TUBA8: variants seen among roughly 807,000 people sequenced by gnomAD.
The protein encoded by TUBA8 is tubulin alpha-8 chain.
A neutral mutation model predicts 34.7 loss-of-function variants in TUBA8; 29 were observed. That is an observed-to-expected ratio of 0.84 (90% CI 0.62 to 1.14). TUBA8 has a LOEUF of 1.14. Among genes scored for constraint, TUBA8 ranks in the 50% most tolerant of loss-of-function variants. TUBA8 has a pLI of 0.00. For missense variants in TUBA8, 541 were observed against 599.2 expected (o/e 0.90, Z 1.01); for synonymous variants, 226 against 231.2 (o/e 0.98, Z 0.21).
intron 1 of TUBA8, chr22:18,112,566 T>A (rs1224469474): frequency 6.6e-6 from 1 of 152,238 alleles, no homozygotes; most frequent in Non-Finnish European, 1.5e-5. Flanking sequence ...AACCCAGCCC[T>A]GTGCACAAGC....
At position 18,131,231 on chromosome 22, in the gene TUBA8, G is replaced by T; in HGVS notation, c.*95G>T. 1 of 1,397,452 alleles carries T rather than the reference G, an allele frequency of 7.2e-7. No individual in the cohort carries two copies. The allele number at this position is 1,397,452 out of a possible 1,614,324, so 86.6% of individuals were successfully genotyped here. ...CAGAACACTCTCCCCGCCCCAGCCT[G>T]ATTCCTGCCTTACCCAGGAGGAGGG... On this transcript the variant is annotated 3_prime_UTR_variant, in exon 5 of 5. Coordinates refer to ENST00000330423, the MANE Select transcript of TUBA8 (RefSeq NM_018943.3). The surrounding 1 kb of genome is among the most constrained non-coding windows in gnomAD (Gnocchi z 5.3).
At chr22:18,112,569 G>C (rs1355560723) in intron 1 of TUBA8, 1 of 152,198 alleles carries the variant, frequency 6.6e-6, no homozygotes, top group Non-Finnish European at 1.5e-5. Context: ...CCAGCCCTGT[G>C]CACAAGCTTG....
rs1471622645 is a variant in TUBA8 at position 18,127,743 on chromosome 22, G to A, written c.1056+709G>A. On this transcript the variant is annotated intron_variant, in intron 4 of 4. Coordinates refer to ENST00000330423, the MANE Select transcript of TUBA8 (RefSeq NM_018943.3). ...AACGGAGTGTCGCTCTGTCACCAAG[G>A]CTGGAGTGCAGTGGCGCGATCTAGG... The A allele has an allele frequency of 7.7e-5, 11 of 142,318 alleles. No homozygotes were observed. The East Asian group carries it at 2.3e-3, about 29-fold the overall frequency. 8.8% of individuals were successfully genotyped at this position (142,318 alleles called of 1,614,324 possible).
intron 4 of TUBA8, 197 bp downstream of exon 4, chr22:18,127,231 T>C (rs1405431504): frequency 5.0e-6 from 3 of 598,126 alleles, no homozygotes; most frequent in Non-Finnish European, 8.7e-6. Flanking sequence ...TTAGGCCATT[T>C]TAGAAAAGTT....
chr22:18,126,950 G>C lies in TUBA8; in HGVS notation c.972G>C (p.Val324=). 4 of 1,613,476 alleles carry C rather than the reference G, an allele frequency of 2.5e-6. No individual in the cohort carries two copies. Among genetic ancestry groups the C allele is most frequent in the Non-Finnish European group, 2.5e-6 (3 of 1,179,630 alleles). ...ACCMLYRGDV[V]PKDVNVAIAA... is the part of the protein sequence containing the mutation. ...GCATGCTCTACCGGGGCGACGTGGT[G>C]CCCAAGGATGTGAATGTCGCTATTG... is the stretch of plus-strand genomic sequence containing the variant. The change falls in exon 4 of 5, where the codon GTG becomes GTC. Residue 324 remains valine, a synonymous_variant. Coordinates refer to ENST00000330423, the MANE Select transcript of TUBA8 (RefSeq NM_018943.3). The surrounding 1 kb of genome is among the most constrained non-coding windows in gnomAD (Gnocchi z 4.0).
chr22:18,111,719 AC>A lies in TUBA8; in HGVS notation c.3+855del, dbSNP rs1265478557. ...CCAGAATCCCAGGAATCCCTCCTGG[AC>A]CCCTGATCTTTCAGCAGTAGGGAGA... On this transcript the variant is annotated intron_variant, in intron 1 of 4. Transcript: ENST00000330423. The surrounding 1 kb of genome is among the most constrained non-coding windows in gnomAD (Gnocchi z 5.1). 6.6e-6 allele frequency: 1 copy of A among 151,990 alleles called. No individual in the cohort carries two copies. Among genetic ancestry groups the A allele is most frequent in the African/African-American group, 2.4e-5 (1 of 41,358 alleles). The allele number at this position is 151,990 out of a possible 1,614,324, so 9.4% of individuals were successfully genotyped here.
In TUBA8 at chr22:18,130,896, G is replaced by A; in HGVS notation, c.1110G>A (p.Lys370=). Residue 370 remains lysine (K), a synonymous_variant, in exon 5 of 5, where the codon AAG becomes AAA. Coordinates refer to ENST00000330423, the MANE Select transcript of TUBA8 (RefSeq NM_018943.3). The stretch of plus-strand genomic sequence containing the variant: ...TGGTCCCCGGGGGAGACCTGGCCAA[G>A]GTGCAGCGGGCCGTCTGCATGCTCA... ...PTVVPGGDLA[K]VQRAVCMLSN... 6.2e-7 allele frequency: 1 copy of A among 1,614,150 alleles called. No individual in the cohort carries two copies.
At chr22:18,115,523 G>T (rs143835974) in intron 1 of TUBA8, 16 of 152,338 alleles carry the variant, frequency 1.1e-4, no homozygotes, top group East Asian at 9.7e-4. Flanking sequence ...TGAAACAAAG[G>T]TTCCTTGCCC....
intron 4 of TUBA8, chr22:18,129,471 T>C (rs1928430654): frequency 6.6e-6 from 1 of 152,246 alleles, no homozygotes; most frequent in African/African-American, 2.4e-5. Flanking sequence ...TCAAGAGATG[T>C]TAGCACTTAG....
intron 2 of TUBA8, chr22:18,123,881 G>A (rs568134412): frequency 7.7e-5 from 35 of 451,632 alleles, no homozygotes; most frequent in East Asian, 1.3e-4. Flanking sequence ...GGCGATGTTC[G>A]ATGAGCTTTG....
chr22:18,110,815 C>T lies in TUBA8; in HGVS notation c.-51C>T, dbSNP rs1300661573. ...CGGAGGCGGCTGTATCTGGAGCAGT[C>T]GGGGCGGGCAGGCCCAGCTGAGAGG... On this transcript the variant is annotated 5_prime_UTR_variant, in exon 1 of 5. Coordinates refer to ENST00000330423, the MANE Select transcript of TUBA8 (RefSeq NM_018943.3). The surrounding 1 kb of genome is among the most constrained non-coding windows in gnomAD (Gnocchi z 6.2). The T allele has an allele frequency of 1.1e-5, 17 of 1,536,818 alleles. No individual in the cohort carries two copies. Among genetic ancestry groups the T allele is most frequent in the Non-Finnish European group, 1.5e-5 (17 of 1,147,212 alleles).
chr22:18,121,500 G>A lies in TUBA8; in HGVS notation c.25G>A (p.Val9Met), dbSNP rs754337553. MRECISVH[V>M]GQAGVQIGNA... ...ACAGCGGGAATGCATATCAGTCCAC[G>A]TGGGCCAAGCGGGAGTTCAGATTGG... is the stretch of plus-strand genomic sequence containing the variant. The change falls in exon 2 of 5, where the codon GTG (valine) becomes ATG (methionine). Residue 9 changes from valine (V) to methionine (M), a missense_variant. Val to Met is a conservative substitution (Grantham distance 21). Coordinates refer to ENST00000330423, the MANE Select transcript of TUBA8 (RefSeq NM_018943.3). This position sits in a 1 kb window ranked among gnomAD's most constrained non-coding sequence, Gnocchi z 4.8. The A allele has an allele frequency of 3.7e-6, 6 of 1,614,044 alleles. No individual in the cohort carries two copies. In the East Asian group the frequency reaches 8.9e-5, roughly 24 times the overall value.
rs1306852269 is a variant in TUBA8 at position 18,111,649 on chromosome 22, T to G, written c.3+781T>G. On this transcript the variant is annotated intron_variant, in intron 1 of 4. Transcript: ENST00000330423. This position sits in a 1 kb window ranked among gnomAD's most constrained non-coding sequence, Gnocchi z 5.1. ...CTAGGGTCCCCCTCTCCGCCCCCAG[T>G]GCCCCTGGTGGTTAACATTTGCCCC... The G allele has an allele frequency of 6.6e-6, 1 of 152,092 alleles. No homozygotes were observed. Among genetic ancestry groups the G allele is most frequent in the Non-Finnish European group, 1.5e-5 (1 of 68,088 alleles). The allele number at this position is 152,092 out of a possible 1,614,324, so 9.4% of individuals were successfully genotyped here. A position where few individuals can be genotyped will look rare whatever the true frequency, so the allele number is the denominator to read the frequency against.
At position 18,126,664 on chromosome 22, in the gene TUBA8, G is replaced by A. The variant is rs372238980; in HGVS notation, c.686G>A (p.Arg229His). Residue 229 changes from arginine (R) to histidine (H), a missense_variant, in exon 4 of 5, where the codon CGC becomes CAC. Physicochemically the swap from Arg to His is conservative, Grantham distance 29. Coordinates refer to ENST00000330423, the MANE Select transcript of TUBA8 (RefSeq NM_018943.3). This position sits in a 1 kb window ranked among gnomAD's most constrained non-coding sequence, Gnocchi z 4.0. ...IERPTYTNLN[R>H]LISQIVSSIT... Reference sequence around the variant, plus strand: ...CGCCCTACCTATACCAACCTCAACCGCCTCATCAGTCAGATTGTGTCCTCA... The same window carrying A: ...CGCCCTACCTATACCAACCTCAACCACCTCATCAGTCAGATTGTGTCCTCA... The A allele has an allele frequency of 4.6e-5, 74 of 1,613,992 alleles. No individual in the cohort carries two copies. The highest frequency in any genetic ancestry group is 6.0e-5 in the Non-Finnish European group (71 of 1,180,044).
chr22:18,125,083 G>T (rs1928269321), intron 3 of TUBA8: 1 of 152,238 alleles, frequency 6.6e-6, no homozygotes, highest in Non-Finnish European at 1.5e-5. Context: ...GGAAAATCCT[G>T]TGATTCTATG....
chr22:18,121,658 T>G lies in TUBA8; in HGVS notation c.183T>G (p.His61Gln). The G allele has an allele frequency of 6.2e-7, 1 of 1,614,146 alleles. No homozygotes were observed. The highest frequency in any genetic ancestry group is 8.5e-7 in the Non-Finnish European group (1 of 1,180,026). Reference sequence around the variant, plus strand: ...TCAGCGAGACTGGCAATGGGAAGCATGTGCCCCGGGCCGTCATGATAGATC... The same window carrying G: ...TCAGCGAGACTGGCAATGGGAAGCAGGTGCCCCGGGCCGTCATGATAGATC... ...TFFSETGNGK[H>Q]VPRAVMIDLE... The change falls in exon 2 of 5, where the codon CAT becomes CAG. Residue 61 changes from histidine (H) to glutamine (Q), a missense_variant. Physicochemically the swap from His to Gln is conservative, Grantham distance 24. Transcript: ENST00000330423. This position sits in a 1 kb window ranked among gnomAD's most constrained non-coding sequence, Gnocchi z 4.8.
At chr22:18,120,997 C>G (rs550988811) in intron 1 of TUBA8, 4 of 175,120 alleles carry the variant, frequency 2.3e-5, no homozygotes, top group Non-Finnish European at 5.0e-5. Flanking sequence ...AGAGCATGTT[C>G]CTTTCATGAG....
rs2234338 is a variant in TUBA8, at chr22:18,130,836, C to T, written c.1057-7C>T. ...TCTGTGGCTCCTCCTCTTTCTGTGT[C>T]CCTCAGGTGGGCATCAACTACCAGC... On this transcript the variant is annotated splice_region_variant and splice_polypyrimidine_tract_variant and intron_variant, in intron 4 of 4. Transcript: ENST00000330423. 40,501 of 1,613,396 alleles carry T rather than the reference C, an allele frequency of 0.025. 1,418 individuals carry two copies. Among genetic ancestry groups the T allele is most frequent in the African/African-American group, 0.17 (12,430 of 74,952 alleles).
chr22:18,128,418 A>G (rs539695792), intron 4 of TUBA8: 3 of 152,352 alleles, frequency 2.0e-5, no homozygotes, highest in African/African-American at 7.2e-5. Flanking sequence ...CCGGCAGGCA[A>G]GCAGCCTGGC....
Sources: gnomAD v4.1 joint callset for allele counts on GRCh38, gnomAD v4.1.1 for gene constraint, Gnocchi (gnomAD v3.1) non-coding constraint, MANE v1.5 for transcripts, NCBI Gene and HGNC (gene_info 2026-07-23, HGNC 2026-07-21) for gene names.